The following RNF144A variants were observed in gnomAD, a reference collection of about 807,000 sequenced individuals.
The protein encoded by RNF144A is ring finger protein 144A, also known as E3 ubiquitin-protein ligase RNF144A.
In RNF144A, 11 loss-of-function variants were observed where a neutral mutation model predicts 38.7. The ratio of observed to expected loss-of-function variants is 0.28; its 90% CI spans 0.18 to 0.47. The LOEUF (loss-of-function observed/expected upper bound fraction) is 0.47. Ranked by LOEUF, RNF144A falls within the 20% of genes least tolerant of loss-of-function variation. The pLI, the probability that RNF144A is intolerant of heterozygous loss-of-function variation, is 0.99. For missense variants in RNF144A, 316 were observed against 377.2 expected, an observed-to-expected ratio of 0.84 and a Z score of 1.34; for synonymous variants, 149 against 143.9, an observed-to-expected ratio of 1.04 and a Z score of -0.25.
chr2:6,922,607 C>G (rs1308266398), intron 1 of RNF144A, among the ~76,000 whole-genome samples: 1 of 151,614 alleles, frequency 6.6e-6, no homozygotes, highest in Non-Finnish European at 1.5e-5. Context: ...AGGGGACCCG[C>G]CCGGTTTTTC....
chr2:7,060,082 A>C (rs751868571), intron 6 of RNF144A, among the ~76,000 whole-genome samples: 3 of 152,198 alleles, frequency 2.0e-5, no homozygotes, highest in Non-Finnish European at 4.4e-5. Flanking sequence ...TGGAAGTTTC[A>C]GCCATCAGAA....
At chr2:6,927,122 A>G (rs895852843) in intron 1 of RNF144A, among the ~76,000 whole-genome samples, 1 of 152,210 alleles carries the variant, frequency 6.6e-6, no homozygotes, top group African/African-American at 2.4e-5. Flanking sequence ...TGTTTGTGAA[A>G]TAGCACAGGA....
chr2:7,049,566 C>T (rs1033775056), intron 6 of RNF144A, among the ~76,000 whole-genome samples: 1 of 152,152 alleles, frequency 6.6e-6, no homozygotes, highest in Non-Finnish European at 1.5e-5. Flanking sequence ...TTTGAGTTTT[C>T]AACGACACGA....
In RNF144A at chr2:7,040,735, G is replaced by C; in HGVS notation, c.*975G>C. 1.2e-5 allele frequency: 12 copies of C among 985,482 alleles called. No individual in the cohort carries two copies. Among genetic ancestry groups the C allele is most frequent in the Non-Finnish European group, 1.4e-5 (12 of 829,936 alleles). The allele number at this position is 985,482 out of a possible 1,614,324, so 61.0% of individuals were successfully genotyped here. A position where few individuals can be genotyped will look rare whatever the true frequency, so the allele number is the denominator to read the frequency against. ...GCCTCATTGATCCGCAGATGTAGGG[G>C]CCTCTTGGCAGAGGCTGGAGGACTC... On this transcript the variant is annotated 3_prime_UTR_variant, in exon 9 of 9. Coordinates refer to ENST00000320892, the MANE Select transcript of RNF144A (RefSeq NM_014746.6).
intron 3 of RNF144A, among the ~76,000 whole-genome samples, chr2:7,007,592 A>G (rs1223273653): frequency 6.6e-6 from 1 of 152,194 alleles, no homozygotes; most frequent in Non-Finnish European, 1.5e-5. Flanking sequence ...TTGCCAAGCC[A>G]CAATATGCCT....
intron 6 of RNF144A, 47 bp downstream of exon 6, chr2:7,020,727 G>C (rs1671471430): frequency 6.5e-7 from 1 of 1,549,274 alleles, no homozygotes; most frequent in Non-Finnish European, 8.8e-7. Flanking sequence ...CTGTGGGCCA[G>C]GAGAAGCAGG....
rs1389766594 is a variant in RNF144A, at chr2:7,040,745, A to C, written c.*985A>C. On this transcript the variant is annotated 3_prime_UTR_variant, in exon 9 of 9. Coordinates refer to ENST00000320892, the MANE Select transcript of RNF144A (RefSeq NM_014746.6). ...TCCGCAGATGTAGGGGCCTCTTGGC[A>C]GAGGCTGGAGGACTCTGGGGGCTAG... 6.1e-6 allele frequency: 6 copies of C among 985,350 alleles called. No individual in the cohort carries two copies. In the African/African-American group the frequency reaches 1.0e-4, roughly 17 times the overall value. The allele number at this position is 985,350 out of a possible 1,614,324, so 61.0% of individuals were successfully genotyped here. A position where few individuals can be genotyped will look rare whatever the true frequency, so the allele number is the denominator to read the frequency against.
At chr2:6,955,949 G>A (rs1666971830) in intron 2 of RNF144A, among the ~76,000 whole-genome samples, 1 of 152,182 alleles carries the variant, frequency 6.6e-6, no homozygotes, top group Non-Finnish European at 1.5e-5. Flanking sequence ...GGAACAAGAA[G>A]TGTGTTTGCA....
chr2:7,020,395 C>G lies in RNF144A; in HGVS notation c.302-78C>G, dbSNP rs1446403289. 3 of 1,305,812 alleles carry G rather than the reference C, an allele frequency of 2.3e-6. No homozygotes were observed. The East Asian group carries it at 7.0e-5, about 30-fold the overall frequency. 80.9% of individuals were successfully genotyped at this position (1,305,812 alleles called of 1,614,324 possible). On this transcript the variant is annotated intron_variant, in intron 5 of 8. Transcript: ENST00000320892. ...GGACATGTTCCTCCCTGTCCGTGCA[C>G]TGAGGGGCTCCTTCCTCTGAAGCCC...
At position 7,020,572 on chromosome 2, in the gene RNF144A, A is replaced by G. The variant is rs1181686391; in HGVS notation, c.401A>G (p.Gln134Arg). Residue 134 changes from glutamine (Q) to arginine (R), a missense_variant, in exon 6 of 9, where the codon CAG (glutamine) becomes CGG (arginine). Gln to Arg is a conservative substitution (Grantham distance 43). Coordinates refer to ENST00000320892, the MANE Select transcript of RNF144A (RefSeq NM_014746.6). ...GGGCTGCAGACCCCCCAGCCAGTGC[A>G]GTGCAAAGCCTGCCGTATGGAATTC... Reference protein sequence around the residue: ...DVGLQTPQPVQCKACRMEFCS... With the variant: ...DVGLQTPQPVRCKACRMEFCS... The G allele has an allele frequency of 1.9e-6, 3 of 1,613,042 alleles. No homozygotes were observed. The Admixed American group carries it at 5.0e-5, about 27-fold the overall frequency.
intron 1 of RNF144A, among the ~76,000 whole-genome samples, chr2:6,931,880 A>G (rs1372934639): frequency 2.6e-5 from 4 of 152,186 alleles, no homozygotes; most frequent in Non-Finnish European, 5.9e-5. Context: ...AACTAAAGGA[A>G]TGTGTATTCT....
downstream of RNF144A, chr2:7,068,313 T>G (rs1042086275): frequency 1.5e-5 from 17 of 1,131,164 alleles, no homozygotes; most frequent in Middle Eastern, 2.4e-4. Flanking sequence ...AAGATAAGAT[T>G]AATACAGAGT....
At chr2:7,012,015 CT>C (rs1670850618) in intron 3 of RNF144A, among the ~76,000 whole-genome samples, 1 of 152,174 alleles carries the variant, frequency 6.6e-6, no homozygotes, top group Non-Finnish European at 1.5e-5. Context: ...CTTCATGCCA[CT>C]TTTAATTGTT....
rs1467176300 is a variant in RNF144A at position 6,943,985 on chromosome 2, G to T, written c.-12+2838G>T. On this transcript the variant is annotated intron_variant, in intron 2 of 8. Coordinates refer to ENST00000320892, the MANE Select transcript of RNF144A (RefSeq NM_014746.6). This position sits in a 1 kb window ranked among gnomAD's most constrained non-coding sequence, Gnocchi z 4.3. ...TGCTTCTCTAGACAGCCCTGATGGG[G>T]AGTTGAAGTGTGCAGGAGGTCAAGG... Among the ~76,000 whole-genome samples, 2 of 152,174 alleles carry T rather than the reference G, an allele frequency of 1.3e-5. No homozygotes were observed. Among genetic ancestry groups the T allele is most frequent in the Middle Eastern group, 3.2e-3 (1 of 316 alleles).
rs912162078 is a variant in RNF144A, at chr2:6,957,886, G to A, written c.-12+16739G>A. 1.2e-4 allele frequency among the ~76,000 whole-genome samples: 19 copies of A among 152,144 alleles called. 1 individual carries two copies. Among genetic ancestry groups the A allele is most frequent in the African/African-American group, 7.2e-5 (3 of 41,430 alleles). ...GACTGTGGGCCATCACTAGCTCCCC[G>A]CCTCTCACCACTCAATCTCAACATG... On this transcript the variant is annotated intron_variant, in intron 2 of 8. Coordinates refer to ENST00000320892, the MANE Select transcript of RNF144A (RefSeq NM_014746.6).
chr2:6,944,326 C>T lies in RNF144A; in HGVS notation c.-12+3179C>T, dbSNP rs1176258219. 2.0e-5 allele frequency among the ~76,000 whole-genome samples: 3 copies of T among 152,102 alleles called. No individual in the cohort carries two copies. The highest frequency in any genetic ancestry group is 1.5e-5 in the Non-Finnish European group (1 of 68,016). On this transcript the variant is annotated intron_variant, in intron 2 of 8. Transcript: ENST00000320892. The surrounding 1 kb of genome is among the most constrained non-coding windows in gnomAD (Gnocchi z 4.7). ...AGTTCCAGTGTTCCTCCCAAAGGCTCGGCTTCTCAGTCATCCTGTCTCACG... is the reference window on the plus strand; with the variant it reads ...AGTTCCAGTGTTCCTCCCAAAGGCTTGGCTTCTCAGTCATCCTGTCTCACG...
intron 2 of RNF144A, among the ~76,000 whole-genome samples, chr2:6,992,968 A>C (rs1216210931): frequency 1.3e-5 from 2 of 152,218 alleles, no homozygotes; most frequent in African/African-American, 2.4e-5. Flanking sequence ...ATTTCATATG[A>C]CTTGACATTC....
chr2:6,996,697 T>C (rs1669763596), intron 2 of RNF144A: 1 of 505,854 alleles, frequency 2.0e-6, no homozygotes, highest in Non-Finnish European at 3.6e-6. Flanking sequence ...GAGGTTGCAG[T>C]GAGCTAGATT....
chr2:7,046,832 G>C (rs577743241), downstream of RNF144A, among the ~76,000 whole-genome samples: 4 of 152,178 alleles, frequency 2.6e-5, no homozygotes, highest in African/African-American at 9.7e-5. Context: ...TCATTCACTT[G>C]TTCTCCTAGG....
Sources: gnomAD v4.1 joint callset for allele counts (sites outside exome capture counted in the v4.1 genomes callset) on GRCh38, gnomAD v4.1.1 for gene constraint, Gnocchi (gnomAD v3.1) non-coding constraint, MANE v1.5 for transcripts, NCBI Gene and HGNC (gene_info 2026-07-23, HGNC 2026-07-21) for gene names.